Variants in STK32B observed in about 807,000 individuals in gnomAD.
STK32B encodes the protein serine/threonine-protein kinase 32B.
A neutral mutation model predicts 52.6 loss-of-function variants in STK32B; 43 were observed. The observed-to-expected ratio is 0.82, with a 90% confidence interval of 0.64 to 1.05. The LOEUF is 1.05. Among genes scored for constraint, STK32B ranks in the 50% least tolerant of loss-of-function variants. The pLI is 0.00. For missense variants in STK32B, 621 were observed against 534.6 expected (o/e 1.16, Z -1.59); for synonymous variants, 238 against 204.3 (o/e 1.17, Z -1.41).
intron 6 of STK32B, among the ~76,000 whole-genome samples, chr4:5,429,146 G>A (rs549390189): frequency 1.0e-3 from 155 of 152,244 alleles, no homozygotes; most frequent in Non-Finnish European, 1.7e-3. Context: ...CTAGTACATC[G>A]CTGATAATAT....
chr4:5,201,811 TA>T (rs1209294895), intron 3 of STK32B, among the ~76,000 whole-genome samples: 3 of 151,976 alleles, frequency 2.0e-5, no homozygotes, highest in Non-Finnish European at 2.9e-5. Flanking sequence ...TAGAATGGGG[TA>T]AACTGGTCCC....
At chr4:5,307,546 A>AT (rs769423490) in intron 3 of STK32B, among the ~76,000 whole-genome samples, 23 of 131,100 alleles carry the variant, frequency 1.8e-4, no homozygotes, top group African/African-American at 7.9e-4. Context: ...CATATGCTCT[A>AT]TCTTTTTTTT....
chr4:5,364,917 C>A (rs890628146), intron 4 of STK32B, among the ~76,000 whole-genome samples: 7 of 152,030 alleles, frequency 4.6e-5, no homozygotes, highest in African/African-American at 1.5e-4. Flanking sequence ...CTCTTGTTGC[C>A]CAGGCTGGAG....
At chr4:5,310,328 ACAACT>A (rs757619564) in intron 3 of STK32B, among the ~76,000 whole-genome samples, 1 of 152,206 alleles carries the variant, frequency 6.6e-6, no homozygotes, top group Non-Finnish European at 1.5e-5. Flanking sequence ...AGTAACTGAA[ACAACT>A]CAACAGCAAA....
At chr4:5,164,941 A>G (rs1718756938) in intron 2 of STK32B, among the ~76,000 whole-genome samples, 2 of 152,148 alleles carry the variant, frequency 1.3e-5, no homozygotes, top group African/African-American at 4.8e-5. Flanking sequence ...TGTTGTTACC[A>G]ACCCTTCTTG....
chr4:5,434,279 C>A (rs1422621517), intron 6 of STK32B, among the ~76,000 whole-genome samples: 1 of 152,074 alleles, frequency 6.6e-6, no homozygotes, highest in Admixed American at 6.5e-5. Context: ...AATAGCAAAA[C>A]CATATTTATT....
chr4:5,346,397 T>C (rs1240064140), intron 4 of STK32B, among the ~76,000 whole-genome samples: 1 of 152,184 alleles, frequency 6.6e-6, no homozygotes, highest in Non-Finnish European at 1.5e-5. Flanking sequence ...TCCCACCCTC[T>C]CTGGGTCCAA....
intron 8 of STK32B, among the ~76,000 whole-genome samples, chr4:5,457,190 A>G (rs2109142844): frequency 6.7e-6 from 1 of 148,996 alleles, no homozygotes; most frequent in East Asian, 2.0e-4. Context: ...AACGGAAATA[A>G]TGCATGTGGG....
Position 5,354,434 on chromosome 4 carries a change from T to C in STK32B, c.434+23041T>C, listed in dbSNP as rs562229027. Among the ~76,000 whole-genome samples, 8 of 152,308 alleles carry C rather than the reference T, an allele frequency of 5.3e-5. No homozygotes were observed. The South Asian group carries it at 1.7e-3, about 32-fold the overall frequency. On this transcript the variant is annotated intron_variant, in intron 4 of 11. Transcript: ENST00000282908. ...GCATATGCCACCACATCCAGCTAAT[T>C]TTTATGTTTTTAGTACAGACAAGGT... is the stretch of plus-strand genomic sequence containing the variant.
chr4:5,143,089 T>TTCTGTC (rs533776848), intron 2 of STK32B, among the ~76,000 whole-genome samples: 19 of 121,420 alleles, frequency 1.6e-4, no homozygotes, highest in African/African-American at 5.0e-4. Context: ...ATAAATCTGT[T>TTCTGTC]TCTGTCTCTG....
Position 5,082,654 on chromosome 4 carries a change from C to T in STK32B, c.52+30739C>T, listed in dbSNP as rs373752867. Among the ~76,000 whole-genome samples the T allele has an allele frequency of 1.5e-4, 23 of 152,136 alleles. No homozygotes were observed. In the South Asian group the frequency reaches 4.4e-3, roughly 29 times the overall value. On this transcript the variant is annotated intron_variant, in intron 1 of 11. Coordinates refer to ENST00000282908, the MANE Select transcript of STK32B (RefSeq NM_018401.3). ...CATTTCCTTTTCAGGGCATTGTCTG[C>T]CCAGGTTCTTTGTGGTTTTTTGTTT...
intron 11 of STK32B, among the ~76,000 whole-genome samples, chr4:5,489,254 T>C (rs897107444): frequency 6.6e-6 from 1 of 152,178 alleles, no homozygotes; most frequent in Non-Finnish European, 1.5e-5. Context: ...CCTATGAGAA[T>C]TGAGATATTA....
At chr4:5,245,733 G>C (rs1725399089) in intron 3 of STK32B, among the ~76,000 whole-genome samples, 1 of 152,146 alleles carries the variant, frequency 6.6e-6, no homozygotes, top group African/African-American at 2.4e-5. Flanking sequence ...TCCATGTTTA[G>C]TGCTTCCTTC....
chr4:5,451,382 G>A (rs1040028128), intron 7 of STK32B, among the ~76,000 whole-genome samples: 5 of 152,190 alleles, frequency 3.3e-5, no homozygotes, highest in Non-Finnish European at 7.3e-5. Flanking sequence ...TGAGGGGACA[G>A]TCTATAAAGG....
rs1313522449 is a variant in STK32B at position 5,058,239 on chromosome 4, C to A, written c.52+6324C>A. ...TGGGAACATTATCACTGTTCACCAA[C>A]ATCCTGTTCCCCTTTACTTTTCATG... On this transcript the variant is annotated intron_variant, in intron 1 of 11. Transcript: ENST00000282908. This position sits in a 1 kb window ranked among gnomAD's most constrained non-coding sequence, Gnocchi z 4.8. Among the ~76,000 whole-genome samples the A allele has an allele frequency of 6.6e-6, 1 of 152,230 alleles. No homozygotes were observed.
At chr4:5,094,597 A>T (rs1713277841) in intron 1 of STK32B, among the ~76,000 whole-genome samples, 1 of 152,138 alleles carries the variant, frequency 6.6e-6, no homozygotes, top group Non-Finnish European at 1.5e-5. Flanking sequence ...CAAGGCTACA[A>T]TGAGCTGTGT....
At chr4:5,156,386 C>T (rs963913459) in intron 2 of STK32B, among the ~76,000 whole-genome samples, 9 of 152,148 alleles carry the variant, frequency 5.9e-5, no homozygotes, top group Admixed American at 2.6e-4. Context: ...AGGGTTAGCA[C>T]GCAGAGGTGA....
chr4:5,154,762 C>G (rs766817110), intron 2 of STK32B, among the ~76,000 whole-genome samples: 1 of 152,188 alleles, frequency 6.6e-6, no homozygotes, highest in Non-Finnish European at 1.5e-5. Context: ...GGGACCTGGT[C>G]ATGCCCATCC....
chr4:5,224,724 TTCA>T (rs1185134582), intron 3 of STK32B, among the ~76,000 whole-genome samples: 4 of 151,780 alleles, frequency 2.6e-5, no homozygotes, highest in Non-Finnish European at 5.9e-5. Flanking sequence ...ATTGTATCAA[TTCA>T]TCATTAATTA....
Sources: gnomAD v4.1 joint callset for allele counts (sites outside exome capture counted in the v4.1 genomes callset) on GRCh38, gnomAD v4.1.1 for gene constraint, Gnocchi (gnomAD v3.1) non-coding constraint, MANE v1.5 for transcripts, NCBI Gene and HGNC (gene_info 2026-07-23, HGNC 2026-07-21) for gene names.